Variants in XKR4 observed in about 807,000 individuals in gnomAD.
XKR4 encodes the protein XK-related protein 4.
Under a neutral mutation model 53.9 loss-of-function variants are expected in XKR4, and 12 were observed. The observed-to-expected ratio is 0.22, with a 90% CI of 0.14 to 0.36. XKR4 has a LOEUF of 0.36. XKR4 is among the 10% of genes least tolerant of loss of function. The probability of loss-of-function intolerance (pLI) is 1.00; values close to 1 mark genes in which losing one functional copy is unlikely to be tolerated. For missense variants in XKR4, 799 were observed against 859.5 expected (o/e 0.93, Z 0.88); for synonymous variants, 354 against 362.4 (o/e 0.98, Z 0.26).
intron 2 of XKR4, among the ~76,000 whole-genome samples, chr8:55,463,221 G>A (rs916556964): frequency 2.0e-5 from 3 of 152,078 alleles, no homozygotes; most frequent in African/African-American, 7.2e-5. Flanking sequence ...CCACATAGTT[G>A]GAAGTAAAGC....
intron 1 of XKR4, chr8:55,164,145 A>G (rs1321572021): frequency 4.4e-6 from 2 of 455,526 alleles, no homozygotes; most frequent in East Asian, 1.4e-4. Flanking sequence ...GCCCTACAGG[A>G]GTTTGCTCCA....
chr8:55,406,861 T>C (rs1681649523), intron 2 of XKR4, among the ~76,000 whole-genome samples: 1 of 152,172 alleles, frequency 6.6e-6, no homozygotes, highest in Admixed American at 6.5e-5. Flanking sequence ...GGCCTTTTAC[T>C]TCTTTAGAGA....
chr8:55,315,350 C>T (rs1371861776), intron 1 of XKR4, among the ~76,000 whole-genome samples: 1 of 152,234 alleles, frequency 6.6e-6, no homozygotes, highest in African/African-American at 2.4e-5. Context: ...TCCGCCCAGC[C>T]TTGGTCAGTG....
intron 2 of XKR4, among the ~76,000 whole-genome samples, chr8:55,439,352 G>GGAATTCTCTAAACAGA (rs1554525642): frequency 1.3e-5 from 2 of 152,016 alleles, no homozygotes; most frequent in African/African-American, 2.4e-5. Context: ...CTCTAAACAG[G>GGAATTCTCTAAACAGA]GAATTCTCTA....
chr8:55,107,386 G>GTATAAAATA (rs776390302), intron 1 of XKR4, among the ~76,000 whole-genome samples: 27 of 152,172 alleles, frequency 1.8e-4, no homozygotes, highest in Admixed American at 7.2e-4. Flanking sequence ...GGATAATGAT[G>GTATAAAATA]ACAACAATGT....
chr8:55,205,104 A>G (rs1041913380), intron 1 of XKR4, among the ~76,000 whole-genome samples: 7 of 152,178 alleles, frequency 4.6e-5, no homozygotes, highest in African/African-American at 1.7e-4. Context: ...AAAGTGAAAA[A>G]CACCCATTTG....
chr8:55,265,333 A>G (rs1818580892), intron 1 of XKR4, among the ~76,000 whole-genome samples: 1 of 152,242 alleles, frequency 6.6e-6, no homozygotes, highest in Admixed American at 6.5e-5. Context: ...TCAGGGCTGA[A>G]GTCAGTTTTG....
rs1036652909 is a variant in XKR4 at position 55,525,163 on chromosome 8, G to C, written c.*936G>C. 3.3e-5 allele frequency: 5 copies of C among 152,630 alleles called. No individual in the cohort carries two copies. The highest frequency in any genetic ancestry group is 2.9e-5 in the Non-Finnish European group (2 of 68,058). The allele number at this position is 152,630 out of a possible 1,614,324, so 9.5% of individuals were successfully genotyped here. A position where few individuals can be genotyped will look rare whatever the true frequency, so the allele number is the denominator to read the frequency against. ...GAGCCAGAGGAATGGGCTGGAACCG[G>C]ATCTGTTTCCAGACGCAGAATGAGT... On this transcript the variant is annotated 3_prime_UTR_variant, in exon 3 of 3. Coordinates refer to ENST00000327381, the MANE Select transcript of XKR4 (RefSeq NM_052898.2).
chr8:55,454,043 T>C, intron 2 of XKR4: 1 of 882,016 alleles, frequency 1.1e-6, no homozygotes, highest in African/African-American at 1.6e-5. Flanking sequence ...GAGATAGCCC[T>C]GCAGCAGCTG....
At chr8:55,258,549 A>T (rs10093829) in intron 1 of XKR4, among the ~76,000 whole-genome samples, 113,897 of 152,056 alleles carry the variant, frequency 0.75, 46,076 homozygotes, top group Non-Finnish European at 0.91. Context: ...AATGACATCA[A>T]TGTCCACCTC....
At chr8:55,440,517 C>A (rs1475726273) in intron 2 of XKR4, among the ~76,000 whole-genome samples, 1 of 151,846 alleles carries the variant, frequency 6.6e-6, no homozygotes, top group Non-Finnish European at 1.5e-5. Flanking sequence ...CTGATTTAGA[C>A]CTTAGGTTAA....
At chr8:55,173,426 T>A (rs541533591) in intron 1 of XKR4, among the ~76,000 whole-genome samples, 1 of 152,194 alleles carries the variant, frequency 6.6e-6, no homozygotes, top group South Asian at 2.1e-4. Context: ...TAGTTTATTT[T>A]AAAAATGTTT....
At chr8:55,241,094 A>T (rs1399367068) in intron 1 of XKR4, among the ~76,000 whole-genome samples, 1 of 152,240 alleles carries the variant, frequency 6.6e-6, no homozygotes, top group African/African-American at 2.4e-5. Context: ...AGAAACCTTC[A>T]AAACTAGTGT....
intron 2 of XKR4, among the ~76,000 whole-genome samples, chr8:55,486,850 T>C (rs1424945777): frequency 1.3e-5 from 2 of 152,220 alleles, no homozygotes; most frequent in Non-Finnish European, 2.9e-5. Flanking sequence ...TATCACAGTC[T>C]TTTTGTGAGG....
chr8:55,113,648 T>G (rs1024750088), intron 1 of XKR4, among the ~76,000 whole-genome samples: 2 of 152,198 alleles, frequency 1.3e-5, no homozygotes, highest in Non-Finnish European at 2.9e-5. Context: ...AGTGGTGAAG[T>G]CTGGGCTTTT....
intron 2 of XKR4, among the ~76,000 whole-genome samples, chr8:55,364,869 G>C (rs1803953093): frequency 6.6e-6 from 1 of 151,990 alleles, no homozygotes. Flanking sequence ...CTGGTAATCT[G>C]CCCACCTCGG....
At chr8:55,307,952 G>A (rs1231646015) in intron 1 of XKR4, among the ~76,000 whole-genome samples, 1 of 152,084 alleles carries the variant, frequency 6.6e-6, no homozygotes, top group Non-Finnish European at 1.5e-5. Flanking sequence ...TTCTCACACT[G>A]CTATAAAGAT....
chr8:55,378,233 T>C (rs548376393), intron 2 of XKR4, among the ~76,000 whole-genome samples: 2 of 152,326 alleles, frequency 1.3e-5, no homozygotes, highest in South Asian at 4.1e-4. Flanking sequence ...CTTATAAATT[T>C]ACACTATCAA....
rs1807016876 is a variant in XKR4 at position 55,535,291 on chromosome 8, A to C, written c.*11064A>C. 6.6e-6 allele frequency: 1 copy of C among 151,392 alleles called. No individual in the cohort carries two copies. Among genetic ancestry groups the C allele is most frequent in the Non-Finnish European group, 1.5e-5 (1 of 67,942 alleles). The allele number at this position is 151,392 out of a possible 1,614,324, so 9.4% of individuals were successfully genotyped here. ...TGCACAACGTGCAGGTTTGTTACAT[A>C]TGTATACATGTGCCATGTTGGTGTG... On this transcript the variant is annotated 3_prime_UTR_variant, in exon 3 of 3. Transcript: ENST00000327381.
Sources: allele counts gnomAD v4.1 joint callset (sites outside exome capture counted in the v4.1 genomes callset), GRCh38; gene constraint gnomAD v4.1.1; transcripts MANE v1.5; gene names NCBI Gene and HGNC (gene_info 2026-07-23, HGNC 2026-07-21).